NCOA2: variants seen among roughly 807,000 people sequenced by gnomAD.
NCOA2 encodes nuclear receptor coactivator 2.
Under a neutral mutation model 145.1 loss-of-function variants are expected in NCOA2, and 21 were observed. The ratio of observed to expected loss-of-function variants is 0.14; its 90% CI spans 0.10 to 0.21. NCOA2 has a LOEUF of 0.21. Ranked by LOEUF, NCOA2 falls within the 10% of genes least tolerant of loss-of-function variation. The pLI is 1.00. For synonymous variants in NCOA2, 619 were observed against 637.5 expected, an observed-to-expected ratio of 0.97 and a Z score of 0.44; for missense variants, 1,472 against 1,837.6, an observed-to-expected ratio of 0.80 and a Z score of 3.64.
chr8:70,250,463 A>G (rs1823066373), intron 2 of NCOA2, among the ~76,000 whole-genome samples: 1 of 148,440 alleles, frequency 6.7e-6, no homozygotes, highest in Non-Finnish European at 1.5e-5. Context: ...CCAGCTGTTC[A>G]GGAGGCTGAG....
At chr8:70,173,767 C>A (rs1247084679) in intron 5 of NCOA2, among the ~76,000 whole-genome samples, 2 of 151,790 alleles carry the variant, frequency 1.3e-5, no homozygotes, top group South Asian at 2.1e-4. Flanking sequence ...TATTGTGTGC[C>A]CCCCCTCCGC....
the NCOA2 span, among the ~76,000 whole-genome samples, chr8:70,430,437 C>G: frequency 6.6e-6 from 1 of 152,266 alleles, no homozygotes; most frequent in African/African-American, 2.4e-5. Flanking sequence ...CAATAAACAG[C>G]AGTTAATTAC....
the NCOA2 span, among the ~76,000 whole-genome samples, chr8:70,415,040 T>C: frequency 6.6e-6 from 1 of 152,346 alleles, no homozygotes; most frequent in East Asian, 1.9e-4. Context: ...TGGTGGCTCA[T>C]GCCTGTAATC....
intron 19 of NCOA2, 111 bp downstream of exon 19, chr8:70,126,702 G>C (rs907815011): frequency 3.1e-6 from 3 of 953,422 alleles, no homozygotes; most frequent in Non-Finnish European, 4.9e-6. Flanking sequence ...TGGTTAGCCA[G>C]ATTCATCTGG....
At chr8:70,340,823 A>G (rs1029592338) in intron 1 of NCOA2, among the ~76,000 whole-genome samples, 7 of 152,186 alleles carry the variant, frequency 4.6e-5, no homozygotes, top group African/African-American at 1.7e-4. Context: ...GCAAACTAAC[A>G]CAGGAACAGA....
chr8:70,429,682 A>G, the NCOA2 span, among the ~76,000 whole-genome samples: 1 of 152,266 alleles, frequency 6.6e-6, no homozygotes, highest in African/African-American at 2.4e-5. Flanking sequence ...AATGGAGAGT[A>G]TAAAAGTAAT....
chr8:70,231,106 A>C (rs1821090626), intron 2 of NCOA2, among the ~76,000 whole-genome samples: 1 of 152,226 alleles, frequency 6.6e-6, no homozygotes, highest in Admixed American at 6.5e-5. Flanking sequence ...AAAGGGTCTG[A>C]CCATATTTAA....
At chr8:70,438,288 G>A in the NCOA2 span, among the ~76,000 whole-genome samples, 1 of 152,036 alleles carries the variant, frequency 6.6e-6, no homozygotes, top group African/African-American at 2.4e-5. Context: ...TAATTCTAGG[G>A]TTTCTATTAA....
chr8:70,115,615 CTATTAGTA>C (rs1807012019), intron 22 of NCOA2, among the ~76,000 whole-genome samples: 1 of 152,176 alleles, frequency 6.6e-6, no homozygotes, highest in African/African-American at 2.4e-5. Context: ...AAAGCCGACC[CTATTAGTA>C]ATCAATTTTC....
At chr8:70,212,842 G>C (rs1028599827) in intron 4 of NCOA2, among the ~76,000 whole-genome samples, 4 of 152,124 alleles carry the variant, frequency 2.6e-5, no homozygotes, top group African/African-American at 9.7e-5. Context: ...AGCCCTTTGG[G>C]AGGCCGAGGC....
chr8:70,159,014 T>C lies in NCOA2; in HGVS notation c.1124+491A>G, dbSNP rs1184081898. On this transcript the variant is annotated intron_variant, in intron 10 of 22. Coordinates refer to ENST00000452400, the MANE Select transcript of NCOA2 (RefSeq NM_006540.4). ...CTTTGCCAGTACAGTTGTTCTTTGG[T>C]TATATGGGGGACTGGTTCTAGCCTC... Among the ~76,000 whole-genome samples the C allele has an allele frequency of 2.6e-5, 4 of 151,410 alleles. No individual in the cohort carries two copies. The East Asian group carries it at 7.7e-4, about 29-fold the overall frequency.
chr8:70,159,242 A>ATATATATATATATATATATATAT, intron 10 of NCOA2, among the ~76,000 whole-genome samples: 1 of 61,078 alleles, frequency 1.6e-5, no homozygotes, highest in African/African-American at 5.4e-5. Flanking sequence ...ATATATATAT[A>ATATATATATATATATATATATAT]TTTTTTTTTT....
At chr8:70,223,919 C>A in intron 2 of NCOA2, among the ~76,000 whole-genome samples, 1 of 152,186 alleles carries the variant, frequency 6.6e-6, no homozygotes. Flanking sequence ...TATATTTTAA[C>A]TTAGTCAACA....
chr8:70,420,155 AAGTT>A, the NCOA2 span, among the ~76,000 whole-genome samples: 3 of 152,230 alleles, frequency 2.0e-5, no homozygotes, highest in African/African-American at 2.4e-5. Flanking sequence ...GATGAGAACA[AAGTT>A]AGTTGTGTAA....
In NCOA2 at chr8:70,160,682, G is replaced by GAGAGAGAGAGA. The variant is rs371258460; in HGVS notation, c.977-1031_977-1030insTCTCTCTCTCT. ...GACAGAGAGAGAGAGAGAGAGAGAG[G>GAGAGAGAGAGA]GAGAGAGAGAGAGAGAGAGACTGAC... On this transcript the variant is annotated intron_variant, in intron 9 of 22. Coordinates refer to ENST00000452400, the MANE Select transcript of NCOA2 (RefSeq NM_006540.4). 6.8e-3 allele frequency among the ~76,000 whole-genome samples: 397 copies of GAGAGAGAGAGA among 57,992 alleles called. 3 individuals are homozygous for GAGAGAGAGAGA. The highest frequency in any genetic ancestry group is 9.1e-3 in the African/African-American group (217 of 23,932). 38.0% of individuals were successfully genotyped at this position (57,992 alleles called of 152,430 possible). A position where few individuals can be genotyped will look rare whatever the true frequency, so the allele number is the denominator to read the frequency against.
intron 22 of NCOA2, among the ~76,000 whole-genome samples, chr8:70,116,634 T>C (rs1173331607): frequency 6.6e-6 from 1 of 152,220 alleles, no homozygotes; most frequent in Non-Finnish European, 1.5e-5. Context: ...ACTGAACCCC[T>C]GTCAATGTGC....
At chr8:70,413,970 G>T in the NCOA2 span, among the ~76,000 whole-genome samples, 1 of 152,096 alleles carries the variant, frequency 6.6e-6, no homozygotes, top group African/African-American at 2.4e-5. Flanking sequence ...AAACCGAGTG[G>T]TAGGTATGTG....
intron 4 of NCOA2, among the ~76,000 whole-genome samples, chr8:70,189,352 A>G (rs1816423567): frequency 6.6e-6 from 1 of 152,218 alleles, no homozygotes; most frequent in African/African-American, 2.4e-5. Flanking sequence ...TGTCCATAAT[A>G]TCATTTACTG....
chr8:70,352,463 C>T (rs1229035412), intron 1 of NCOA2, among the ~76,000 whole-genome samples: 1 of 152,208 alleles, frequency 6.6e-6, no homozygotes, highest in African/African-American at 2.4e-5. Flanking sequence ...TCCAGCACAA[C>T]AGTTAAAGTT....
Sources: allele counts gnomAD v4.1 joint callset (sites outside exome capture counted in the v4.1 genomes callset), GRCh38; gene constraint gnomAD v4.1.1; transcripts MANE v1.5; gene names NCBI Gene and HGNC (gene_info 2026-07-23, HGNC 2026-07-21).